DCAF12: variants seen among roughly 807,000 people sequenced by gnomAD.
The protein encoded by DCAF12 is DDB1 and CUL4 associated factor 12, also known as DDB1- and CUL4-associated factor 12.
In DCAF12, 28 loss-of-function variants were observed where a neutral mutation model predicts 52.8. The observed-to-expected ratio is 0.53, with a 90% CI of 0.39 to 0.73. DCAF12 has a LOEUF of 0.73. Ranked by LOEUF, DCAF12 falls within the 30% of genes least tolerant of loss-of-function variation. The pLI, the probability that DCAF12 is intolerant of heterozygous loss-of-function variation, is 0.00. For synonymous variants in DCAF12, 196 were observed against 215.5 expected (o/e 0.91, Z 0.79); for missense variants, 425 against 552.2 (o/e 0.77, Z 2.31).
In DCAF12 at chr9:34,106,490, C is replaced by T; in HGVS notation, c.545G>A (p.Gly182Glu). The change falls in exon 4 of 9, where the codon GGA (glycine) becomes GAA (glutamate). Residue 182 changes from glycine to glutamate, a missense_variant. Coordinates refer to ENST00000361264, the MANE Select transcript of DCAF12 (RefSeq NM_015397.4). ...GATGGAAAAGATCCAGTCCTTGTGT[C>T]CATCCTTGGAGAGCAGGGAGTAACA... ...TLDPVCVGDD[G>E]HKDWIFSIAW... The T allele has an allele frequency of 1.2e-6, 2 of 1,610,036 alleles. No homozygotes were observed. The highest frequency in any genetic ancestry group is 1.7e-6 in the Non-Finnish European group (2 of 1,177,514).
At chr9:34,091,193 G>A (rs1828638352) in intron 7 of DCAF12, among the ~76,000 whole-genome samples, 1 of 151,880 alleles carries the variant, frequency 6.6e-6, no homozygotes, top group Admixed American at 6.6e-5. Context: ...TGGGCATGGT[G>A]GTACGCGCCT....
In DCAF12 at chr9:34,107,371, C is replaced by T; in HGVS notation, c.528G>A (p.Val176=). The change falls in exon 3 of 9, where the codon GTG becomes GTA. Residue 176 remains valine, a synonymous_variant. Coordinates refer to ENST00000361264, the MANE Select transcript of DCAF12 (RefSeq NM_015397.4). ...TGGGAAAACTTACATCTCCTACACA[C>T]ACAGGATCCAGCGTAGGTAGTCGAT... ...AIYRLPTLDP[V]CVGDDGHKDW... is the part of the protein sequence containing the mutation. The T allele has an allele frequency of 6.2e-7, 1 of 1,614,100 alleles. No homozygotes were observed. The highest frequency in any genetic ancestry group is 1.1e-5 in the South Asian group (1 of 91,082).
chr9:34,089,685 C>T (rs1253961537), intron 7 of DCAF12, 95 bp from the exon 8 acceptor site: 3 of 1,225,446 alleles, frequency 2.4e-6, no homozygotes, highest in South Asian at 1.6e-5. Flanking sequence ...TTTTCAACGT[C>T]CACCCTGCTC....
chr9:34,103,295 T>C (rs1828858730), intron 4 of DCAF12, among the ~76,000 whole-genome samples: 1 of 150,902 alleles, frequency 6.6e-6, no homozygotes, highest in African/African-American at 2.4e-5. Context: ...TAGTCCCAGC[T>C]ACTCAGAAGG....
At chr9:34,118,901 A>G (rs4879747) in intron 2 of DCAF12, among the ~76,000 whole-genome samples, 46,397 of 152,012 alleles carry the variant, frequency 0.31, 7,557 homozygotes, top group Non-Finnish European at 0.36. Flanking sequence ...GGAGGCGGAG[A>G]TTGCAGTGAG....
At position 34,126,364 on chromosome 9, in the gene DCAF12, T is replaced by C. The variant is rs1407061571; in HGVS notation, c.68A>G (p.Gln23Arg). Residue 23 changes from glutamine to arginine, a missense_variant, in exon 1 of 9, where the codon CAG becomes CGG. Gln to Arg is a conservative substitution (Grantham distance 43). This residue lies in a region of DCAF12 where 89 missense variants were observed against 84.9 expected (regional missense o/e 1.05). Coordinates refer to ENST00000361264, the MANE Select transcript of DCAF12 (RefSeq NM_015397.4). ...PASPGAGSDA[Q>R]GPQFGWDHSL... is the part of the protein sequence containing the mutation. ...CCTCTCAACCCTCACCTGCGGGCCC[T>C]GAGCGTCGCTCCCAGCTCCCGGCGA... 1.9e-6 allele frequency: 3 copies of C among 1,612,394 alleles called. No homozygotes were observed. The highest frequency in any genetic ancestry group is 2.2e-5 in the East Asian group (1 of 44,880).
At chr9:34,115,825 G>A (rs1440213287) in intron 2 of DCAF12, among the ~76,000 whole-genome samples, 2 of 151,948 alleles carry the variant, frequency 1.3e-5, no homozygotes, top group South Asian at 2.1e-4. Context: ...CAATCCTCCC[G>A]CCTTAGTCTC....
chr9:34,092,432 A>C (rs12551373), intron 7 of DCAF12, among the ~76,000 whole-genome samples: 1 of 151,974 alleles, frequency 6.6e-6, no homozygotes, highest in African/African-American at 2.4e-5. Context: ...TCACGCCTGT[A>C]ATCTCAGCAC....
intron 2 of DCAF12, among the ~76,000 whole-genome samples, chr9:34,115,154 G>A (rs1163885709): frequency 6.6e-6 from 1 of 152,016 alleles, no homozygotes; most frequent in African/African-American, 2.4e-5. Flanking sequence ...TCTGTGGAGA[G>A]GTTGGGAAAG....
chr9:34,091,286 C>T (rs888422028), intron 7 of DCAF12, among the ~76,000 whole-genome samples: 2 of 151,824 alleles, frequency 1.3e-5, no homozygotes, highest in African/African-American at 2.4e-5. Flanking sequence ...GAGATCACAC[C>T]ACTCCACTCC....
intron 4 of DCAF12, among the ~76,000 whole-genome samples, chr9:34,102,283 CA>C (rs148123227): frequency 3.9e-4 from 55 of 142,442 alleles, no homozygotes; most frequent in East Asian, 6.1e-4. Flanking sequence ...ACCCTGCCTC[CA>C]AAAAAAAAAA....
intron 6 of DCAF12, chr9:34,093,844 A>T: frequency 5.6e-6 from 1 of 178,114 alleles, no homozygotes; most frequent in Admixed American, 5.5e-5. Context: ...TTTCAGATAA[A>T]GAGGCTGATC....
rs769139139 is a variant in DCAF12, at chr9:34,098,419, G to A, written c.700C>T (p.His234Tyr). Residue 234 changes from histidine (H) to tyrosine (Y), a missense_variant, in exon 5 of 9, where the codon CAC (histidine) becomes TAC (tyrosine). Coordinates refer to ENST00000361264, the MANE Select transcript of DCAF12 (RefSeq NM_015397.4). ...HNVSRVPVYA[H>Y]ITHKALKDIP... The stretch of plus-strand genomic sequence containing the variant: ...TCCTTTAAGGCCTTGTGAGTGATGT[G>A]TGCATACACAGGGACCCGTGACACA... 85 of 1,614,076 alleles carry A rather than the reference G, an allele frequency of 5.3e-5. 1 individual carries two copies. The East Asian group carries it at 1.8e-3, about 35-fold the overall frequency.
chr9:34,104,289 T>C (rs1256187626), intron 4 of DCAF12, among the ~76,000 whole-genome samples: 2 of 151,538 alleles, frequency 1.3e-5, no homozygotes, highest in Non-Finnish European at 2.9e-5. Context: ...ACATCTAAAA[T>C]GACAGACACA....
At chr9:34,089,654 C>T (rs1828614426) in intron 7 of DCAF12, 64 bp from the exon 8 acceptor site, 1 of 1,483,390 alleles carries the variant, frequency 6.7e-7, no homozygotes, top group African/African-American at 1.4e-5. Context: ...GTCTGCTAGC[C>T]TGAATTTCTC....
At chr9:34,089,110 CAAAA>C (rs771038838) in intron 8 of DCAF12, among the ~76,000 whole-genome samples, 4 of 92,466 alleles carry the variant, frequency 4.3e-5, no homozygotes, top group African/African-American at 3.9e-5. Flanking sequence ...GACCCTGTCT[CAAAA>C]AAAAAAAAAA....
intron 4 of DCAF12, among the ~76,000 whole-genome samples, chr9:34,104,494 A>G (rs1272194979): frequency 6.6e-6 from 1 of 152,224 alleles, no homozygotes; most frequent in Non-Finnish European, 1.5e-5. Flanking sequence ...TCTTACAGAT[A>G]CTAGAAAGTC....
chr9:34,124,176 A>C (rs1187755402), intron 2 of DCAF12, among the ~76,000 whole-genome samples: 1 of 152,140 alleles, frequency 6.6e-6, no homozygotes, highest in Non-Finnish European at 1.5e-5. Context: ...AATGTGTTTC[A>C]TTCCAGGGTC....
intron 1 of DCAF12, chr9:34,125,825 C>CCATA: frequency 3.4e-6 from 1 of 297,904 alleles, no homozygotes; most frequent in South Asian, 2.9e-5. Context: ...AAATCAGAGG[C>CCATA]CATATCTATG....
Sources: allele counts gnomAD v4.1 joint callset (sites outside exome capture counted in the v4.1 genomes callset), GRCh38; gene constraint gnomAD v4.1.1; regional missense constraint gnomAD v4.1.1; transcripts MANE v1.5; gene names NCBI Gene and HGNC (gene_info 2026-07-23, HGNC 2026-07-21).